ZNF618: variants seen among roughly 807,000 people sequenced by gnomAD.
ZNF618 encodes neural precursor cell expressed, developmentally down-regulated 10.
In ZNF618, 34 loss-of-function variants were observed where a neutral mutation model predicts 103.0. The observed-to-expected ratio is 0.33, with a 90% CI of 0.25 to 0.44. The LOEUF is 0.44. ZNF618 is among the 20% of genes least tolerant of loss of function. The pLI is 1.00. For synonymous variants in ZNF618, 551 were observed against 542.2 expected (o/e 1.02, Z -0.23); for missense variants, 1,059 against 1,295.4 (o/e 0.82, Z 2.80).
At position 114,001,082 on chromosome 9, in the gene ZNF618, G is replaced by A. The variant is rs557131109; in HGVS notation, c.434-914G>A. Among the ~76,000 whole-genome samples the A allele has an allele frequency of 1.6e-3, 246 of 152,338 alleles. 1 individual carries two copies. The highest frequency in any genetic ancestry group is 2.8e-3 in the Non-Finnish European group (191 of 68,024). ...TCAGGCCTTCATGAGGGCTGATTTA[G>A]ATGGGGAGCAGGCAGGGTTTCTGCC... is the stretch of plus-strand genomic sequence containing the variant. On this transcript the variant is annotated intron_variant, in intron 4 of 14. Coordinates refer to ENST00000374126, the MANE Select transcript of ZNF618 (RefSeq NM_001318042.2).
At chr9:113,986,860 G>A (rs899963253) in intron 2 of ZNF618, among the ~76,000 whole-genome samples, 2 of 152,192 alleles carry the variant, frequency 1.3e-5, no homozygotes, top group East Asian at 3.9e-4. Context: ...GGGAAGGACA[G>A]CAGATGTGAT....
At chr9:113,886,757 C>T (rs1829105712) in intron 1 of ZNF618, among the ~76,000 whole-genome samples, 1 of 151,890 alleles carries the variant, frequency 6.6e-6, no homozygotes, top group Admixed American at 6.6e-5. Flanking sequence ...AAGCCTGTGC[C>T]ATCCAGTATG....
Position 114,049,347 on chromosome 9 carries a change from T to C in ZNF618, c.2045T>C (p.Phe682Ser). ...AGSTGLAKET[F>S]GSLEETSPPP... ...TCCACGGGCCTGGCCAAGGAGACCT[T>C]CGGGTCGCTGGAGGAGACGTCTCCA... The change falls in exon 15 of 15, where the codon TTC (phenylalanine) becomes TCC (serine). Residue 682 changes from phenylalanine (F) to serine (S), a missense_variant. Phe to Ser is a radical substitution (Grantham distance 155). This residue lies in a region of ZNF618 where 272 missense variants were observed against 380.1 expected (regional missense o/e 0.72). Coordinates refer to ENST00000374126, the MANE Select transcript of ZNF618 (RefSeq NM_001318042.2). 6.2e-7 allele frequency: 1 copy of C among 1,610,654 alleles called. No homozygotes were observed.
chr9:113,891,724 TGAATGGATAAACAAAATA>T (rs1829632041), intron 1 of ZNF618, among the ~76,000 whole-genome samples: 2 of 152,192 alleles, frequency 1.3e-5, no homozygotes, highest in Non-Finnish European at 2.9e-5. Flanking sequence ...CATCTACAGA[TGAATGGATAAACAAAATA>T]TGATGTATTC....
chr9:113,888,326 TC>T (rs749865016), intron 1 of ZNF618, among the ~76,000 whole-genome samples: 12 of 152,234 alleles, frequency 7.9e-5, no homozygotes, highest in Non-Finnish European at 1.8e-4. Context: ...GAAGCTGCTC[TC>T]CCCATTTCAT....
intron 10 of ZNF618, among the ~76,000 whole-genome samples, chr9:114,021,891 T>C (rs895142449): frequency 7.9e-5 from 12 of 152,122 alleles, no homozygotes; most frequent in African/African-American, 2.9e-4. Flanking sequence ...TATTTTGAGA[T>C]TCATCTATGC....
chr9:114,039,957 C>T (rs1844992959), intron 13 of ZNF618, among the ~76,000 whole-genome samples: 1 of 152,092 alleles, frequency 6.6e-6, no homozygotes, highest in African/African-American at 2.4e-5. Flanking sequence ...GGAGGACACA[C>T]AGGATAGCCA....
intron 1 of ZNF618, among the ~76,000 whole-genome samples, chr9:113,948,829 C>T (rs1835287941): frequency 1.3e-5 from 2 of 152,142 alleles, no homozygotes; most frequent in Admixed American, 1.3e-4. Flanking sequence ...CCCCCCACCC[C>T]ACAGATGAGA....
intron 2 of ZNF618, among the ~76,000 whole-genome samples, chr9:113,971,957 G>A (rs1015255405): frequency 6.6e-6 from 1 of 152,162 alleles, no homozygotes; most frequent in Non-Finnish European, 1.5e-5. Context: ...GGCTTAAGGT[G>A]TAAAAACAGA....
intron 1 of ZNF618, among the ~76,000 whole-genome samples, chr9:113,956,765 T>C (rs957806848): frequency 6.6e-6 from 1 of 152,212 alleles, no homozygotes; most frequent in Non-Finnish European, 1.5e-5. Context: ...GAGACAGCCT[T>C]AGCAAGTTTC....
At chr9:113,957,890 C>T (rs141569239) in intron 1 of ZNF618, among the ~76,000 whole-genome samples, 4 of 151,152 alleles carry the variant, frequency 2.6e-5, no homozygotes, top group Non-Finnish European at 4.4e-5. Context: ...ATCTGAGTCT[C>T]AGCTTGGTGA....
intron 10 of ZNF618, 148 bp downstream of exon 10, chr9:114,016,932 C>G (rs1842695242): frequency 1.6e-6 from 1 of 624,282 alleles, no homozygotes; most frequent in Non-Finnish European, 2.8e-6. Context: ...TATGTCTGAC[C>G]CAGGGCCACC....
At position 113,961,473 on chromosome 9, in the gene ZNF618, G is replaced by A. The variant is rs530250462; in HGVS notation, c.34-7644G>A. Reference sequence around the variant, plus strand: ...CTTGCCCAGAATCAAACATCTAATAGGAACTTCATAAATATTTATGGAAAA... The same window carrying A: ...CTTGCCCAGAATCAAACATCTAATAAGAACTTCATAAATATTTATGGAAAA... On this transcript the variant is annotated intron_variant, in intron 1 of 14. Transcript: ENST00000374126. Among the ~76,000 whole-genome samples, 3 of 152,294 alleles carry A rather than the reference G, an allele frequency of 2.0e-5. No individual in the cohort carries two copies. In the South Asian group the frequency reaches 6.2e-4, roughly 32 times the overall value.
At position 114,049,108 on chromosome 9, in the gene ZNF618, G is replaced by A. The variant is rs1203271923; in HGVS notation, c.1806G>A (p.Val602=). The A allele has an allele frequency of 6.2e-7, 1 of 1,613,858 alleles. No individual in the cohort carries two copies. The highest frequency in any genetic ancestry group is 8.5e-7 in the Non-Finnish European group (1 of 1,179,894). ...TTGTGCACCACTGGGTGCAGAACGT[G>A]CTGTCGGAGTTCGTGATGTCGGAGA... ...GDLVHHWVQN[V]LSEFVMSEIR... The change falls in exon 15 of 15, where the codon GTG becomes GTA. Residue 602 remains valine (V), a synonymous_variant. Coordinates refer to ENST00000374126, the MANE Select transcript of ZNF618 (RefSeq NM_001318042.2).
chr9:113,891,617 C>T (rs180711166), intron 1 of ZNF618, among the ~76,000 whole-genome samples: 433 of 152,224 alleles, frequency 2.8e-3, no homozygotes, highest in Non-Finnish European at 5.0e-3. Context: ...GGGTATATAT[C>T]TAAAAATTCA....
At chr9:113,984,097 C>T (rs889393281) in intron 2 of ZNF618, among the ~76,000 whole-genome samples, 2 of 152,134 alleles carry the variant, frequency 1.3e-5, no homozygotes, top group African/African-American at 4.8e-5. Context: ...TTTGGTGAGC[C>T]AGTGTACAAA....
intron 13 of ZNF618, among the ~76,000 whole-genome samples, chr9:114,045,484 C>T (rs1399078801): frequency 6.6e-6 from 1 of 151,902 alleles, no homozygotes; most frequent in Non-Finnish European, 1.5e-5. Flanking sequence ...ATTATTTTCC[C>T]CCATTGAATT....
intron 2 of ZNF618, among the ~76,000 whole-genome samples, chr9:113,971,273 A>G (rs1404941312): frequency 2.6e-5 from 4 of 151,974 alleles, no homozygotes; most frequent in African/African-American, 9.7e-5. Context: ...CAATGGGGAG[A>G]TCGAGGCCTT....
intron 1 of ZNF618, among the ~76,000 whole-genome samples, chr9:113,888,037 G>A (rs907619485): frequency 2.6e-5 from 4 of 151,928 alleles, no homozygotes; most frequent in African/African-American, 9.7e-5. Context: ...GTAAAGTAGG[G>A]TTTGTTTTTT....
Sources: gnomAD v4.1 joint callset for allele counts (sites outside exome capture counted in the v4.1 genomes callset) on GRCh38, gnomAD v4.1.1 for gene constraint, gnomAD v4.1.1 regional missense constraint, MANE v1.5 for transcripts, NCBI Gene and HGNC (gene_info 2026-07-23, HGNC 2026-07-21) for gene names.